The following R3HDM2 variants were observed in gnomAD, a reference collection of about 807,000 sequenced individuals.
R3HDM2 encodes R3H domain containing 2, also known as R3H domain-containing protein 2.
Under a neutral mutation model 124.5 loss-of-function variants are expected in R3HDM2, and 38 were observed. That is an observed-to-expected ratio of 0.31 (90% confidence interval 0.24 to 0.40). The LOEUF (loss-of-function observed/expected upper bound fraction) is 0.40. Ranked by LOEUF, R3HDM2 falls within the 10% of genes least tolerant of loss-of-function variation. The probability of loss-of-function intolerance (pLI) is 1.00; values close to 1 mark genes in which losing one functional copy is unlikely to be tolerated. For missense variants in R3HDM2, 869 were observed against 1,236.9 expected (o/e 0.70, Z 4.46); for synonymous variants, 391 against 448.0 (o/e 0.87, Z 1.61).
chr12:57,394,526 A>G (rs2067207409), intron 2 of R3HDM2, among the ~76,000 whole-genome samples: 1 of 152,260 alleles, frequency 6.6e-6, no homozygotes, highest in Non-Finnish European at 1.5e-5. Context: ...GAGTGAACTG[A>G]GATGGCGCAT....
intron 12 of R3HDM2, 116 bp downstream of exon 12, chr12:57,288,893 A>C: frequency 6.4e-7 from 1 of 1,551,596 alleles, no homozygotes; most frequent in Non-Finnish European, 8.7e-7. Context: ...GCTAGAAGAA[A>C]AGGCTTCTTT....
At chr12:57,348,717 AAAAAG>A (rs1473212140) in intron 2 of R3HDM2, among the ~76,000 whole-genome samples, 5,008 of 22,130 alleles carry the variant, frequency 0.23, 543 homozygotes, top group African/African-American at 0.32. Flanking sequence ...AAAAAAAAAA[AAAAAG>A]AGAGAGAAAA....
intron 1 of R3HDM2, among the ~76,000 whole-genome samples, chr12:57,420,033 C>T (rs1473209863): frequency 6.6e-6 from 1 of 152,112 alleles, no homozygotes; most frequent in Non-Finnish European, 1.5e-5. Flanking sequence ...CTCTCAAATT[C>T]CTTTGTTTAG....
At chr12:57,313,853 C>G (rs1258139311) in intron 2 of R3HDM2, among the ~76,000 whole-genome samples, 1 of 138,438 alleles carries the variant, frequency 7.2e-6, no homozygotes, top group Non-Finnish European at 1.5e-5. Context: ...TACACTCCAG[C>G]CTGGGTGACA....
intron 14 of R3HDM2, among the ~76,000 whole-genome samples, chr12:57,273,458 G>A (rs966759400): frequency 3.3e-5 from 5 of 152,204 alleles, no homozygotes; most frequent in African/African-American, 1.2e-4. Context: ...AGAGATGAGA[G>A]AAGGAGAGAG....
intron 5 of R3HDM2, 95 bp from the exon 6 acceptor site, chr12:57,299,573 G>A: frequency 7.9e-7 from 1 of 1,263,450 alleles, no homozygotes. Flanking sequence ...TGGGGTGGCA[G>A]CTCTCTCTTA....
chr12:57,295,804 G>C (rs2049679809), intron 9 of R3HDM2, among the ~76,000 whole-genome samples: 2 of 152,190 alleles, frequency 1.3e-5, no homozygotes, highest in African/African-American at 2.4e-5. Flanking sequence ...GGCTCAGAAA[G>C]AGTAGGAATT....
At chr12:57,260,170 G>A (rs1415127042) in intron 19 of R3HDM2, among the ~76,000 whole-genome samples, 1 of 148,982 alleles carries the variant, frequency 6.7e-6, no homozygotes, top group African/African-American at 2.5e-5. Context: ...AGGCTGAGGT[G>A]AGAGGATCAC....
intron 2 of R3HDM2, among the ~76,000 whole-genome samples, chr12:57,384,805 GA>G (rs899757905): frequency 6.6e-6 from 1 of 151,924 alleles, no homozygotes; most frequent in African/African-American, 2.4e-5. Flanking sequence ...GAATGGCTTA[GA>G]AAAAAAAGAA....
chr12:57,428,823 T>C (rs539138870), intron 1 of R3HDM2, among the ~76,000 whole-genome samples: 70 of 151,940 alleles, frequency 4.6e-4, no homozygotes, highest in African/African-American at 1.6e-3. Context: ...CTTGGCTTAC[T>C]GCAAAATCCG....
chr12:57,268,706 G>A (rs1292267540), intron 17 of R3HDM2: 5 of 694,232 alleles, frequency 7.2e-6, no homozygotes, highest in Non-Finnish European at 1.2e-5. Context: ...ACTTTCCTGG[G>A]CATATACTCA....
intron 2 of R3HDM2, among the ~76,000 whole-genome samples, chr12:57,328,651 A>G (rs1304471998): frequency 6.6e-6 from 1 of 152,092 alleles, no homozygotes; most frequent in Non-Finnish European, 1.5e-5. Context: ...TTATCCTCCC[A>G]TCTCAGCCTC....
At chr12:57,329,342 T>C (rs1033782925) in intron 2 of R3HDM2, among the ~76,000 whole-genome samples, 2 of 152,214 alleles carry the variant, frequency 1.3e-5, no homozygotes, top group Non-Finnish European at 2.9e-5. Context: ...GTAGATAAGA[T>C]TGTGGACTTC....
chr12:57,296,313 T>G lies in R3HDM2; in HGVS notation c.701+98A>C. Reference sequence around the variant, plus strand: ...GATTACAGGTGTGAGCCACCACGCCTGGCCATCTGCAAGAGACATCCTGAT... The same window carrying G: ...GATTACAGGTGTGAGCCACCACGCCGGGCCATCTGCAAGAGACATCCTGAT... On this transcript the variant is annotated intron_variant, in intron 9 of 23. Transcript: ENST00000402412. This position sits in a 1 kb window ranked among gnomAD's most constrained non-coding sequence, Gnocchi z 4.5. 7.2e-7 allele frequency: 1 copy of G among 1,392,258 alleles called. No individual in the cohort carries two copies. Among genetic ancestry groups the G allele is most frequent in the Non-Finnish European group, 9.8e-7 (1 of 1,015,826 alleles). 86.2% of individuals were successfully genotyped at this position (1,392,258 alleles called of 1,614,324 possible).
intron 7 of R3HDM2, 80 bp from the exon 8 acceptor site, chr12:57,297,467 C>T (rs2050131736): frequency 1.2e-6 from 1 of 836,506 alleles, no homozygotes; most frequent in African/African-American, 1.8e-5. Flanking sequence ...GGATTGAAAA[C>T]ACAACTTGCT....
chr12:57,382,977 G>A (rs1479786181), intron 2 of R3HDM2, among the ~76,000 whole-genome samples: 3 of 151,942 alleles, frequency 2.0e-5, no homozygotes, highest in African/African-American at 7.2e-5. Context: ...TCTGCCTCCC[G>A]GGTTCAAGCA....
chr12:57,270,541 T>C (rs2043372945), intron 14 of R3HDM2, among the ~76,000 whole-genome samples: 1 of 152,178 alleles, frequency 6.6e-6, no homozygotes, highest in Admixed American at 6.5e-5. Flanking sequence ...GCAATTCTCC[T>C]GCCTCAGCCT....
intron 11 of R3HDM2, among the ~76,000 whole-genome samples, chr12:57,290,978 C>A (rs974289163): frequency 2.0e-5 from 3 of 151,438 alleles, no homozygotes; most frequent in African/African-American, 7.2e-5. Flanking sequence ...CTGGCCACAG[C>A]CATGTACAAA....
chr12:57,291,144 C>G (rs943718731), intron 11 of R3HDM2, among the ~76,000 whole-genome samples: 1 of 151,964 alleles, frequency 6.6e-6, no homozygotes, highest in African/African-American at 2.4e-5. Flanking sequence ...GGACTTTGGG[C>G]CAGAAAGTTT....
Sources: gnomAD v4.1 joint callset for allele counts (sites outside exome capture counted in the v4.1 genomes callset) on GRCh38, gnomAD v4.1.1 for gene constraint, Gnocchi (gnomAD v3.1) non-coding constraint, MANE v1.5 for transcripts, NCBI Gene and HGNC (gene_info 2026-07-23, HGNC 2026-07-21) for gene names.